The following DNAH14 variants were observed in gnomAD, a reference collection of about 807,000 sequenced individuals.
The protein encoded by DNAH14 is dynein axonemal heavy chain 14, also known as axonemal beta dynein heavy chain 14.
DNAH14 carries 478 observed loss-of-function variants against 520.9 expected under a neutral mutation model. The observed-to-expected ratio is 0.92, with a 90% CI of 0.85 to 0.99. The LOEUF (loss-of-function observed/expected upper bound fraction) is 0.99, where lower values mean the gene tolerates loss of function less well. Among genes scored for constraint, DNAH14 ranks in the 50% least tolerant of loss-of-function variants. The pLI, the probability that DNAH14 is intolerant of heterozygous loss-of-function variation, is 0.00. For synonymous variants in DNAH14, 1,581 were observed against 1,757.2 expected, an observed-to-expected ratio of 0.90 and a Z score of 2.51; for missense variants, 4,831 against 5,234.5, an observed-to-expected ratio of 0.92 and a Z score of 2.38.
At chr1:225,332,767 G>A (rs1558412695) in intron 65 of DNAH14, among the ~76,000 whole-genome samples, 2 of 151,416 alleles carry the variant, frequency 1.3e-5, no homozygotes, top group Non-Finnish European at 2.9e-5. Flanking sequence ...GGCCAAGGCT[G>A]GAGGATTGCT....
At chr1:225,214,097 A>G (rs2088892047) in intron 41 of DNAH14, among the ~76,000 whole-genome samples, 1 of 152,102 alleles carries the variant, frequency 6.6e-6, no homozygotes, top group Non-Finnish European at 1.5e-5. Flanking sequence ...TACCTAGTTT[A>G]TTGAGAGTGT....
chr1:225,241,321 T>C (rs2091951253), intron 43 of DNAH14, among the ~76,000 whole-genome samples: 1 of 152,160 alleles, frequency 6.6e-6, no homozygotes, highest in African/African-American at 2.4e-5. Context: ...TAAAAGAACT[T>C]TGAGTAGGTA....
At chr1:225,088,151 A>T (rs920604046) in intron 21 of DNAH14, among the ~76,000 whole-genome samples, 1 of 152,250 alleles carries the variant, frequency 6.6e-6, no homozygotes, top group Non-Finnish European at 1.5e-5. Flanking sequence ...AATTTCTAGA[A>T]TGCCATCAAA....
At chr1:225,233,122 G>T (rs1195407099) in intron 42 of DNAH14, among the ~76,000 whole-genome samples, 1 of 152,136 alleles carries the variant, frequency 6.6e-6, no homozygotes, top group African/African-American at 2.4e-5. Flanking sequence ...CCATGTCCCT[G>T]CAAAGGACAT....
intron 27 of DNAH14, among the ~76,000 whole-genome samples, chr1:225,140,220 A>G (rs1439685233): frequency 6.6e-6 from 1 of 152,180 alleles, no homozygotes; most frequent in Non-Finnish European, 1.5e-5. Context: ...AATTTACCCA[A>G]TGTAAAGCCC....
chr1:225,053,210 G>A (rs2068710588), intron 17 of DNAH14, among the ~76,000 whole-genome samples: 1 of 151,966 alleles, frequency 6.6e-6, no homozygotes, highest in South Asian at 2.1e-4. Context: ...AAGTGGTGAA[G>A]GAAAATGAAG....
intron 23 of DNAH14, among the ~76,000 whole-genome samples, chr1:225,111,811 G>A (rs2076500896): frequency 6.6e-6 from 1 of 151,286 alleles, no homozygotes; most frequent in Admixed American, 6.6e-5. Context: ...TTATCTTTTT[G>A]GATCTGAGGT....
chr1:225,106,348 C>T (rs1159928780), intron 23 of DNAH14, among the ~76,000 whole-genome samples: 3 of 151,812 alleles, frequency 2.0e-5, no homozygotes, highest in Non-Finnish European at 2.9e-5. Context: ...GTGAATCTGA[C>T]AATTATGTGT....
chr1:224,967,209 T>G (rs527308942), intron 5 of DNAH14, among the ~76,000 whole-genome samples: 6 of 152,166 alleles, frequency 3.9e-5, no homozygotes, highest in Non-Finnish European at 8.8e-5. Flanking sequence ...AGATCCTTTT[T>G]TAAGGATGAA....
At chr1:225,311,415 T>C (rs2094362255) in intron 60 of DNAH14, among the ~76,000 whole-genome samples, 1 of 152,224 alleles carries the variant, frequency 6.6e-6, no homozygotes, top group Non-Finnish European at 1.5e-5. Flanking sequence ...TTCACTCTGA[T>C]GATAGTTTCT....
chr1:225,116,473 G>A (rs991101311), intron 23 of DNAH14, among the ~76,000 whole-genome samples: 2 of 152,186 alleles, frequency 1.3e-5, no homozygotes, highest in Non-Finnish European at 2.9e-5. Flanking sequence ...GAGAATAAAA[G>A]AAAGAGGTCC....
At chr1:225,377,946 A>G (rs1363506560) in intron 79 of DNAH14, among the ~76,000 whole-genome samples, 1 of 152,092 alleles carries the variant, frequency 6.6e-6, no homozygotes, top group Non-Finnish European at 1.5e-5. Flanking sequence ...TATAAATCTA[A>G]TAATCAAATA....
intron 64 of DNAH14, among the ~76,000 whole-genome samples, chr1:225,330,229 A>G (rs1039633151): frequency 1.3e-4 from 20 of 152,294 alleles, no homozygotes; most frequent in African/African-American, 4.1e-4. Context: ...TACAACCACT[A>G]TGGAGAACAG....
intron 83 of DNAH14, among the ~76,000 whole-genome samples, chr1:225,391,730 G>A (rs1288034533): frequency 2.0e-5 from 3 of 152,128 alleles, no homozygotes; most frequent in Non-Finnish European, 4.4e-5. Context: ...GGAGCAGGCT[G>A]ATGGGGATCA....
chr1:225,062,067 GGCGGA>G (rs2070212402), intron 17 of DNAH14, among the ~76,000 whole-genome samples: 1 of 13,182 alleles, frequency 7.6e-5, no homozygotes, highest in East Asian at 2.4e-3. Flanking sequence ...GGGAGGCCGA[GGCGGA>G]TGGAATGCTT....
chr1:225,016,495 G>T (rs1474232850), intron 10 of DNAH14, among the ~76,000 whole-genome samples: 3 of 151,966 alleles, frequency 2.0e-5, no homozygotes, highest in East Asian at 3.8e-4. Flanking sequence ...CTTTGACTTT[G>T]TCAATTTGAC....
intron 17 of DNAH14, among the ~76,000 whole-genome samples, chr1:225,072,696 G>A (rs769428880): frequency 3.3e-5 from 5 of 152,198 alleles, no homozygotes; most frequent in Non-Finnish European, 7.3e-5. Context: ...CAGTTTTTGA[G>A]GTTGCTGACC....
intron 41 of DNAH14, among the ~76,000 whole-genome samples, chr1:225,208,300 A>G (rs2087862874): frequency 6.6e-6 from 1 of 152,196 alleles, no homozygotes; most frequent in African/African-American, 2.4e-5. Context: ...TCAGTTAAAA[A>G]AAAACAACAA....
chr1:225,327,160 CT>C (rs10712547), intron 64 of DNAH14, among the ~76,000 whole-genome samples: 90,504 of 143,944 alleles, frequency 0.63, 28,651 homozygotes, highest in East Asian at 0.77. Context: ...AAATTAGTAA[CT>C]TTTTTTTTTT....
Sources: allele counts gnomAD v4.1 joint callset (sites outside exome capture counted in the v4.1 genomes callset), GRCh38; gene constraint gnomAD v4.1.1; transcripts MANE v1.5; gene names NCBI Gene and HGNC (gene_info 2026-07-23, HGNC 2026-07-21).